DDX4: variants seen among roughly 807,000 people sequenced by gnomAD.
DDX4 encodes the protein DEAD-box helicase 4.
Under a neutral mutation model 100.0 loss-of-function variants are expected in DDX4, and 25 were observed. The ratio of observed to expected loss-of-function variants is 0.25; its 90% CI spans 0.18 to 0.35. The LOEUF is 0.35. DDX4 is among the 10% of genes least tolerant of loss of function. The pLI is 1.00. For synonymous variants in DDX4, 259 were observed against 275.7 expected (o/e 0.94, Z 0.60); for missense variants, 635 against 882.4 (o/e 0.72, Z 3.55).
chr5:55,813,727 C>A lies in DDX4; in HGVS notation c.1670C>A (p.Ala557Glu). ...ACTAAGAAAAAAGCAGATTTTATTG[C>A]AACTTTTCTTTGTCAAGAAAAAATA... ...VETKKKADFI[A>E]TFLCQEKIST... The change falls in exon 19 of 22, where the codon GCA (alanine) becomes GAA (glutamate). Residue 557 changes from alanine to glutamate, a missense_variant. This residue lies in a region of DDX4 where 115 missense variants were observed against 224.7 expected (regional missense o/e 0.51). Coordinates refer to ENST00000505374, the MANE Select transcript of DDX4 (RefSeq NM_024415.3). 6.3e-7 allele frequency: 1 copy of A among 1,598,932 alleles called. No individual in the cohort carries two copies. The highest frequency in any genetic ancestry group is 1.3e-5 in the African/African-American group (1 of 74,358).
chr5:55,755,064 G>A (rs1254673286), intron 3 of DDX4, among the ~76,000 whole-genome samples: 1 of 151,884 alleles, frequency 6.6e-6, no homozygotes, highest in African/African-American at 2.4e-5. Context: ...TTTTATTTCT[G>A]TCCCTATAAC....
intron 18 of DDX4, among the ~76,000 whole-genome samples, chr5:55,801,244 A>G (rs979316860): frequency 4.5e-4 from 68 of 151,592 alleles, no homozygotes; most frequent in African/African-American, 1.6e-3. Context: ...GCGATTAAAA[A>G]AACATTTTTT....
intron 18 of DDX4, among the ~76,000 whole-genome samples, chr5:55,799,002 T>G (rs1743136263): frequency 6.6e-6 from 1 of 152,312 alleles, no homozygotes; most frequent in African/African-American, 2.4e-5. Context: ...GGGCTTAAGA[T>G]CTAGTTCTCT....
At chr5:55,814,773 AG>A in intron 19 of DDX4, 127 bp from the exon 20 acceptor site, 1 of 995,622 alleles carries the variant, frequency 1.0e-6, no homozygotes, top group East Asian at 2.5e-5. Context: ...TACAGGTGTG[AG>A]CCACTGCGCC....
intron 7 of DDX4, among the ~76,000 whole-genome samples, chr5:55,775,806 G>T (rs144105296): frequency 0.016 from 2,502 of 152,184 alleles, 27 homozygotes; most frequent in South Asian, 0.051. Context: ...CCTTCTGGGA[G>T]GACTCAGGTT....
intron 13 of DDX4, among the ~76,000 whole-genome samples, chr5:55,786,302 C>T (rs1742243646): frequency 6.6e-6 from 1 of 152,022 alleles, no homozygotes; most frequent in Non-Finnish European, 1.5e-5. Context: ...GTTTTTAAAG[C>T]CACCATTTGT....
chr5:55,766,313 T>G (rs1368775345), intron 6 of DDX4, among the ~76,000 whole-genome samples: 2 of 152,118 alleles, frequency 1.3e-5, no homozygotes, highest in South Asian at 2.1e-4. Context: ...TCACCCAACT[T>G]CTCTTAATGT....
intron 7 of DDX4, among the ~76,000 whole-genome samples, chr5:55,775,776 C>G (rs778468697): frequency 5.9e-5 from 9 of 152,068 alleles, no homozygotes; most frequent in Non-Finnish European, 1.2e-4. Flanking sequence ...TCAGCTGTCC[C>G]TTATGAAATG....
chr5:55,760,081 A>T (rs1760221174), intron 3 of DDX4, 119 bp from the exon 4 acceptor site: 1 of 997,022 alleles, frequency 1.0e-6, no homozygotes. Context: ...GCTGTTTGTC[A>T]CCTTTTTTAC....
chr5:55,752,334 T>TC (rs1194146789), intron 3 of DDX4, among the ~76,000 whole-genome samples: 6 of 77,766 alleles, frequency 7.7e-5, no homozygotes, highest in Non-Finnish European at 1.2e-4. Flanking sequence ...CCCTCCCCCC[T>TC]CCCCCCACCC....
intron 15 of DDX4, among the ~76,000 whole-genome samples, chr5:55,788,673 C>T (rs1742378176): frequency 6.6e-6 from 1 of 151,964 alleles, no homozygotes. Context: ...TTTAAATTGC[C>T]CATGTGTATA....
rs1741709536 is a variant in DDX4, at chr5:55,778,550, A to G, written c.395-1414A>G. On this transcript the variant is annotated intron_variant, in intron 7 of 21. Coordinates refer to ENST00000505374, the MANE Select transcript of DDX4 (RefSeq NM_024415.3). ...AAACAGATACAATAGAGTGTTCAGC[A>G]GTAAAAGAAAATGAGGTAGTTTCAT... is the stretch of plus-strand genomic sequence containing the variant. Among the ~76,000 whole-genome samples the G allele has an allele frequency of 2.6e-5, 4 of 152,242 alleles. No individual in the cohort carries two copies. In the South Asian group the frequency reaches 8.3e-4, roughly 32 times the overall value.
At chr5:55,746,725 G>A (rs895749163) in intron 3 of DDX4, among the ~76,000 whole-genome samples, 3 of 152,024 alleles carry the variant, frequency 2.0e-5, no homozygotes, top group Admixed American at 6.6e-5. Context: ...TTCCTGTTGC[G>A]CCCTCCTCCC....
intron 18 of DDX4, among the ~76,000 whole-genome samples, chr5:55,802,927 A>G (rs2112128718): frequency 6.6e-6 from 1 of 151,680 alleles, no homozygotes; most frequent in South Asian, 2.1e-4. Flanking sequence ...GATTAAGCTT[A>G]TTTTCTTTCT....
At chr5:55,788,246 A>G (rs1742356787) in intron 15 of DDX4, among the ~76,000 whole-genome samples, 1 of 152,180 alleles carries the variant, frequency 6.6e-6, no homozygotes, top group Non-Finnish European at 1.5e-5. Flanking sequence ...AGGCCCAGGC[A>G]GGCAGACTGC....
intron 3 of DDX4, among the ~76,000 whole-genome samples, chr5:55,746,989 T>C (rs555221648): frequency 3.9e-5 from 6 of 152,344 alleles, no homozygotes; most frequent in Admixed American, 2.0e-4. Context: ...CCCAGCACTT[T>C]GGGAAGCCGA....
intron 2 of DDX4, among the ~76,000 whole-genome samples, chr5:55,740,651 G>C (rs1250193636): frequency 6.7e-6 from 1 of 148,492 alleles, no homozygotes; most frequent in Non-Finnish European, 1.5e-5. Context: ...GACTACACGT[G>C]TGTGCCACCA....
chr5:55,750,661 A>G (rs6863874), intron 3 of DDX4, among the ~76,000 whole-genome samples: 27,257 of 152,124 alleles, frequency 0.18, 3,178 homozygotes, highest in Admixed American at 0.3. Context: ...AAGGCAGGCT[A>G]GAGGCTGACA....
chr5:55,754,965 G>A (rs1336781585), intron 3 of DDX4, among the ~76,000 whole-genome samples: 1 of 152,096 alleles, frequency 6.6e-6, no homozygotes, highest in East Asian at 1.9e-4. Flanking sequence ...TTGCATAGAG[G>A]TGTTTGTAGT....
Sources: allele counts gnomAD v4.1 joint callset (sites outside exome capture counted in the v4.1 genomes callset), GRCh38; gene constraint gnomAD v4.1.1; regional missense constraint gnomAD v4.1.1; transcripts MANE v1.5; gene names NCBI Gene and HGNC (gene_info 2026-07-23, HGNC 2026-07-21).